Variants in UACA observed in about 807,000 individuals in gnomAD.
UACA encodes the protein nuclear membrane binding protein.
Under a neutral mutation model 160.5 loss-of-function variants are expected in UACA, and 112 were observed. The ratio of observed to expected loss-of-function variants is 0.70; its 90% CI spans 0.60 to 0.82. The LOEUF is 0.82. Among genes scored for constraint, UACA ranks in the 40% least tolerant of loss-of-function variants. The pLI is 0.00. For synonymous variants in UACA, 557 were observed against 568.4 expected (o/e 0.98, Z 0.29); for missense variants, 1,574 against 1,614.6 (o/e 0.97, Z 0.43).
chr15:70,675,624 G>A (rs994457164), intron 13 of UACA, among the ~76,000 whole-genome samples: 14 of 152,158 alleles, frequency 9.2e-5, no homozygotes, highest in African/African-American at 3.4e-4. Context: ...CGTGCAGTAT[G>A]TACTCTTTGT....
intron 1 of UACA, among the ~76,000 whole-genome samples, chr15:70,717,535 G>A (rs1898857102): frequency 6.6e-6 from 1 of 152,136 alleles, no homozygotes; most frequent in Admixed American, 6.5e-5. Flanking sequence ...ATAAAAATGG[G>A]CAGTAGGCCA....
Position 70,668,060 on chromosome 15 carries a change from G to A in UACA, c.2624C>T (p.Thr875Met), listed in dbSNP as rs760804726. The change falls in exon 16 of 19, where the codon ACG becomes ATG. Residue 875 changes from threonine (T) to methionine (M), a missense_variant. Coordinates refer to ENST00000322954, the MANE Select transcript of UACA (RefSeq NM_018003.4). ...HEEVKMTLND[T>M]LAKTNRELLD... Reference sequence around the variant, plus strand: ...TAATTCTCTGTTAGTTTTGGCTAACGTGTCATTCAGTGTCATTTTAACCTC... The same window carrying A: ...TAATTCTCTGTTAGTTTTGGCTAACATGTCATTCAGTGTCATTTTAACCTC... 1.3e-5 allele frequency: 21 copies of A among 1,612,654 alleles called. No individual in the cohort carries two copies. The highest frequency in any genetic ancestry group is 3.3e-4 in the Middle Eastern group (2 of 6,056).
At position 70,721,948 on chromosome 15, in the gene UACA, A is replaced by G. The variant is rs986104780; in HGVS notation, c.79-22288T>C. 3.3e-5 allele frequency among the ~76,000 whole-genome samples: 5 copies of G among 152,386 alleles called. 1 individual carries two copies. In the South Asian group the frequency reaches 8.3e-4, roughly 25 times the overall value. Reference sequence around the variant, plus strand: ...CATTTGCCCATTAGATGCAAAAGAAAGGTGATTCCATGAACTCAGTTCTAA... The same window carrying G: ...CATTTGCCCATTAGATGCAAAAGAAGGGTGATTCCATGAACTCAGTTCTAA... On this transcript the variant is annotated intron_variant, in intron 1 of 18. Coordinates refer to ENST00000322954, the MANE Select transcript of UACA (RefSeq NM_018003.4).
At position 70,668,684 on chromosome 15, in the gene UACA, A is replaced by C; in HGVS notation, c.2000T>G (p.Leu667Ter). 6.2e-7 allele frequency: 1 copy of C among 1,613,988 alleles called. No individual in the cohort carries two copies. Among genetic ancestry groups the C allele is most frequent in the Non-Finnish European group, 8.5e-7 (1 of 1,179,984 alleles). The change falls in exon 16 of 19, where the codon TTA becomes TGA. Residue 667 changes from leucine to a stop codon, truncating the protein, a stop_gained. Transcript: ENST00000322954. LOFTEE classifies it high-confidence loss of function. ...HEKSLSEIRQ[L>*]KRELENVKAK... ...CTTAACATTCTCAAGTTCTCTCTTT[A>C]ACTGTCTAATTTCACTAAGTGATTT... is the stretch of plus-strand genomic sequence containing the variant.
At chr15:70,764,188 TGGAAGCAAA>T (rs1257217496), upstream of UACA, among the ~76,000 whole-genome samples, 1 of 152,112 alleles carries the variant, frequency 6.6e-6, no homozygotes, top group Non-Finnish European at 1.5e-5. Flanking sequence ...TCCGCCGTAT[TGGAAGCAAA>T]GGGACGGAAT....
At chr15:70,700,301 G>GTATA (rs142277997) in intron 1 of UACA, among the ~76,000 whole-genome samples, 20 of 129,924 alleles carry the variant, frequency 1.5e-4, no homozygotes, top group African/African-American at 4.0e-4. Context: ...GAGGCAAATT[G>GTATA]TATATATATA....
At chr15:70,661,993 A>G (rs1036208855) in intron 17 of UACA, among the ~76,000 whole-genome samples, 5 of 152,272 alleles carry the variant, frequency 3.3e-5, no homozygotes, top group South Asian at 2.1e-4. Flanking sequence ...TCAACATAGT[A>G]TTGGAAGTTC....
At chr15:70,742,902 C>T (rs1393963776) in intron 1 of UACA, among the ~76,000 whole-genome samples, 5 of 152,156 alleles carry the variant, frequency 3.3e-5, no homozygotes, top group Admixed American at 1.3e-4. Context: ...TAAAATTTTT[C>T]AGTTCTGTAG....
At chr15:70,729,442 C>G (rs1899249022) in intron 1 of UACA, among the ~76,000 whole-genome samples, 1 of 152,144 alleles carries the variant, frequency 6.6e-6, no homozygotes, top group South Asian at 2.1e-4. Context: ...AAACAGAAAA[C>G]CAAATCCCAC....
intron 1 of UACA, chr15:70,758,615 A>G (rs2030566569): frequency 6.6e-6 from 1 of 152,216 alleles, no homozygotes; most frequent in African/African-American, 2.4e-5. Context: ...TGCTTTCTAA[A>G]CATCTCAAAC....
At position 70,690,662 on chromosome 15, in the gene UACA, A is replaced by G. The variant is rs570271026; in HGVS notation, c.367-151T>C. On this transcript the variant is annotated intron_variant, in intron 4 of 18. Coordinates refer to ENST00000322954, the MANE Select transcript of UACA (RefSeq NM_018003.4). Reference sequence around the variant, plus strand: ...CCGACAATCCATGAAATATGCTGACATGGAACAAATACAGTAACATTATAT... The same window carrying G: ...CCGACAATCCATGAAATATGCTGACGTGGAACAAATACAGTAACATTATAT... The G allele has an allele frequency of 8.2e-6, 5 of 607,028 alleles. No individual in the cohort carries two copies. The East Asian group carries it at 1.1e-4, about 14-fold the overall frequency. The allele number at this position is 607,028 out of a possible 1,614,324, so 37.6% of individuals were successfully genotyped here.
chr15:70,662,900 A>T (rs558660028), intron 17 of UACA, among the ~76,000 whole-genome samples: 90 of 152,066 alleles, frequency 5.9e-4, no homozygotes, highest in Admixed American at 1.3e-3. Context: ...ACCTAAAACC[A>T]TAAAAACCCT....
In UACA at chr15:70,669,251, G is replaced by A. The variant is rs191011342; in HGVS notation, c.1433C>T (p.Ala478Val). ...AHKVAECKAL[A>V]LECERVKEDS... ...CTCCTTGACCCTTTCACATTCTAAT[G>A]CTAAAGCTTTGCATTCTGCCACTTT... is the stretch of plus-strand genomic sequence containing the variant. Residue 478 changes from alanine to valine, a missense_variant, in exon 16 of 19, where the codon GCA (alanine) becomes GTA (valine). By Grantham distance (64) the Ala-to-Val change is moderately conservative. Coordinates refer to ENST00000322954, the MANE Select transcript of UACA (RefSeq NM_018003.4). 6 of 1,613,976 alleles carry A rather than the reference G, an allele frequency of 3.7e-6. No homozygotes were observed. The highest frequency in any genetic ancestry group is 2.2e-5 in the East Asian group (1 of 44,866).
intron 1 of UACA, among the ~76,000 whole-genome samples, chr15:70,710,170 A>G (rs1309092504): frequency 6.6e-6 from 1 of 152,076 alleles, no homozygotes; most frequent in East Asian, 1.9e-4. Flanking sequence ...TGGGAGAATC[A>G]CCTAGTCCTG....
intron 1 of UACA, among the ~76,000 whole-genome samples, chr15:70,704,079 C>T (rs1457571862): frequency 6.6e-6 from 1 of 152,186 alleles, no homozygotes. Context: ...GTCTCCTCAG[C>T]TCCCCTCTAA....
intron 1 of UACA, chr15:70,702,050 A>G (rs1898384649): frequency 1.4e-6 from 2 of 1,404,152 alleles, no homozygotes; most frequent in Non-Finnish European, 1.9e-6. Flanking sequence ...TGCTACACTT[A>G]GCTTGGATCT....
At chr15:70,660,352 T>C (rs1355150040) in intron 17 of UACA, 136 bp from the exon 18 acceptor site, 1 of 625,054 alleles carries the variant, frequency 1.6e-6, no homozygotes, top group African/African-American at 1.9e-5. Flanking sequence ...CAAACTACCT[T>C]GGACCTACCA....
chr15:70,687,328 T>C (rs531738566), intron 7 of UACA, among the ~76,000 whole-genome samples: 1 of 152,314 alleles, frequency 6.6e-6, no homozygotes, highest in East Asian at 1.9e-4. Context: ...ACATTAACCC[T>C]GTCATCTTCC....
intron 1 of UACA, among the ~76,000 whole-genome samples, chr15:70,737,836 C>T (rs1381091257): frequency 6.6e-6 from 1 of 152,212 alleles, no homozygotes; most frequent in African/African-American, 2.4e-5. Flanking sequence ...TCAAGCATAG[C>T]CTTTTACTTA....
Sources: gnomAD v4.1 joint callset for allele counts (sites outside exome capture counted in the v4.1 genomes callset) on GRCh38, gnomAD v4.1.1 for gene constraint, MANE v1.5 for transcripts, NCBI Gene and HGNC (gene_info 2026-07-23, HGNC 2026-07-21) for gene names.